PCSK6: variants seen among roughly 807,000 people sequenced by gnomAD.
PCSK6 encodes paired basic amino acid cleaving enzyme 4.
A neutral mutation model predicts 123.3 loss-of-function variants in PCSK6; 85 were observed. The observed-to-expected ratio is 0.69, with a 90% CI of 0.58 to 0.83. The LOEUF (loss-of-function observed/expected upper bound fraction) is 0.83. Among genes scored for constraint, PCSK6 ranks in the 40% least tolerant of loss-of-function variants. PCSK6 has a pLI of 0.00. For synonymous variants in PCSK6, 508 were observed against 516.0 expected (o/e 0.98, Z 0.21); for missense variants, 1,191 against 1,282.3 (o/e 0.93, Z 1.09).
At chr15:101,369,930 G>T (rs879354282) in intron 12 of PCSK6, among the ~76,000 whole-genome samples, 3 of 152,206 alleles carry the variant, frequency 2.0e-5, no homozygotes, top group Non-Finnish European at 4.4e-5. Context: ...CTGGTGGGGG[G>T]ACAAACAGTG....
At chr15:101,347,184 C>T (rs948221094) in intron 13 of PCSK6, 1 of 1,231,662 alleles carries the variant, frequency 8.1e-7, no homozygotes, top group African/African-American at 1.6e-5. Flanking sequence ...AAGGCATGTG[C>T]TTTAAATCTG....
intron 1 of PCSK6, among the ~76,000 whole-genome samples, chr15:101,488,958 G>A (rs1596193874): frequency 1.3e-5 from 2 of 149,812 alleles, no homozygotes; most frequent in East Asian, 4.0e-4. Context: ...TCCCCCGCGG[G>A]GGAGAGCCGG....
intron 1 of PCSK6, among the ~76,000 whole-genome samples, chr15:101,444,265 T>A (rs1376576198): frequency 6.6e-6 from 1 of 152,170 alleles, no homozygotes; most frequent in Admixed American, 6.5e-5. Flanking sequence ...GAGGACCGGA[T>A]GGAACCAACA....
intron 1 of PCSK6, among the ~76,000 whole-genome samples, chr15:101,486,106 G>A (rs1052999032): frequency 1.3e-5 from 2 of 151,640 alleles, no homozygotes; most frequent in Non-Finnish European, 2.9e-5. Flanking sequence ...TGGGATTACC[G>A]GCATGTGTCA....
chr15:101,484,497 T>C (rs997372587), intron 1 of PCSK6, among the ~76,000 whole-genome samples: 2 of 152,242 alleles, frequency 1.3e-5, no homozygotes, highest in Non-Finnish European at 2.9e-5. Flanking sequence ...CAAGCCATTC[T>C]CCTGCCTCAG....
chr15:101,358,731 C>T (rs1005307683), intron 13 of PCSK6, among the ~76,000 whole-genome samples: 1 of 152,224 alleles, frequency 6.6e-6, no homozygotes, highest in Non-Finnish European at 1.5e-5. Context: ...AGCACTGGGC[C>T]CATACGCCAA....
chr15:101,313,521 AAAG>A lies in PCSK6; in HGVS notation c.2570-19_2570-17del. 2 of 1,585,400 alleles carry A rather than the reference AAAG, an allele frequency of 1.3e-6. No individual in the cohort carries two copies. Among genetic ancestry groups the A allele is most frequent in the Non-Finnish European group, 8.6e-7 (1 of 1,169,356 alleles). Reference sequence around the variant, plus strand: ...CTGCCTGGCCCTGAGAGACACAGGAAAAGAAGCAGGTATCAGGGATGGCTGGCA... The same window carrying A: ...CTGCCTGGCCCTGAGAGACACAGGAAAAGCAGGTATCAGGGATGGCTGGCA... On this transcript the variant is annotated splice_polypyrimidine_tract_variant and intron_variant, in intron 19 of 21. Coordinates refer to ENST00000611716, the MANE Select transcript of PCSK6 (RefSeq NM_002570.5).
At chr15:101,415,896 G>A (rs543505170) in intron 6 of PCSK6, among the ~76,000 whole-genome samples, 4 of 152,330 alleles carry the variant, frequency 2.6e-5, no homozygotes, top group South Asian at 2.1e-4. Context: ...TCCCAGCCAC[G>A]TGGAACTGTA....
chr15:101,463,471 G>A (rs1257109236), intron 1 of PCSK6, among the ~76,000 whole-genome samples: 2 of 152,262 alleles, frequency 1.3e-5, no homozygotes, highest in African/African-American at 2.4e-5. Context: ...TCTGAACTCC[G>A]CCCATGCCTT....
At chr15:101,426,039 G>A (rs2056245114) in intron 6 of PCSK6, among the ~76,000 whole-genome samples, 3 of 152,130 alleles carry the variant, frequency 2.0e-5, no homozygotes, top group African/African-American at 4.8e-5. Context: ...CATTTCTAAC[G>A]GCTCCCAGAG....
At chr15:101,481,058 T>C (rs1405024728) in intron 1 of PCSK6, among the ~76,000 whole-genome samples, 1 of 152,100 alleles carries the variant, frequency 6.6e-6, no homozygotes, top group East Asian at 1.9e-4. Flanking sequence ...GCTGAATAAA[T>C]GAACGCACGT....
chr15:101,371,100 G>A (rs887497800), intron 11 of PCSK6, among the ~76,000 whole-genome samples: 1 of 152,080 alleles, frequency 6.6e-6, no homozygotes, highest in African/African-American at 2.4e-5. Flanking sequence ...CCAGCTACTC[G>A]GGAGCCTGAG....
intron 6 of PCSK6, among the ~76,000 whole-genome samples, chr15:101,400,627 C>A (rs371271927): frequency 2.0e-5 from 3 of 152,186 alleles, no homozygotes; most frequent in African/African-American, 7.2e-5. Context: ...AAACATTTTA[C>A]GTGAGTAGAA....
At position 101,332,776 on chromosome 15, in the gene PCSK6, G is replaced by T. The variant is rs1203802212; in HGVS notation, c.1859-745C>A. On this transcript the variant is annotated intron_variant, in intron 13 of 21. Transcript: ENST00000611716. Reference sequence around the variant, plus strand: ...TCCCAGCCAACATGGGGGCAGCTGGGGTCCCGCCCCACCGACAGCTCCACA... The same window carrying T: ...TCCCAGCCAACATGGGGGCAGCTGGTGTCCCGCCCCACCGACAGCTCCACA... 2.0e-5 allele frequency among the ~76,000 whole-genome samples: 3 copies of T among 152,114 alleles called. 1 individual carries two copies. The highest frequency in any genetic ancestry group is 4.4e-5 in the Non-Finnish European group (3 of 68,016).
chr15:101,420,190 C>CAAAA (rs369741613), intron 6 of PCSK6, among the ~76,000 whole-genome samples: 16,057 of 83,718 alleles, frequency 0.19, 1,376 homozygotes, highest in East Asian at 0.35. Flanking sequence ...GATTCTGTCT[C>CAAAA]AAAAAAAAAA....
intron 6 of PCSK6, among the ~76,000 whole-genome samples, chr15:101,406,202 C>A (rs777366548): frequency 9.9e-6 from 1 of 100,720 alleles, no homozygotes; most frequent in Non-Finnish European, 2.1e-5. Flanking sequence ...AAGAACACAC[C>A]CACAAGCCCA....
intron 1 of PCSK6, among the ~76,000 whole-genome samples, chr15:101,462,292 G>C (rs903214896): frequency 2.6e-5 from 4 of 152,098 alleles, no homozygotes; most frequent in Non-Finnish European, 5.9e-5. Context: ...ACTTAAAGGA[G>C]ACCTAAATAA....
chr15:101,309,934 C>T (rs1363738592), intron 20 of PCSK6, among the ~76,000 whole-genome samples: 4 of 152,318 alleles, frequency 2.6e-5, no homozygotes, highest in South Asian at 4.1e-4. Context: ...CGTCGGGCCT[C>T]GGCTTCCACC....
At chr15:101,309,924 C>T (rs1021185665) in intron 20 of PCSK6, among the ~76,000 whole-genome samples, 8 of 152,240 alleles carry the variant, frequency 5.3e-5, no homozygotes, top group African/African-American at 1.7e-4. Context: ...TTGTTCTCAG[C>T]GTCGGGCCTC....
Sources: gnomAD v4.1 joint callset for allele counts (sites outside exome capture counted in the v4.1 genomes callset) on GRCh38, gnomAD v4.1.1 for gene constraint, MANE v1.5 for transcripts, NCBI Gene and HGNC (gene_info 2026-07-23, HGNC 2026-07-21) for gene names.